Variants in FHOD3 observed in about 807,000 individuals in gnomAD.
FHOD3 encodes formin homology 2 domain containing 3.
In FHOD3, 90 loss-of-function variants were observed where a neutral mutation model predicts 173.0. That is an observed-to-expected ratio of 0.52 (90% CI 0.44 to 0.62). The LOEUF is 0.62. FHOD3 is among the 20% of genes least tolerant of loss of function. FHOD3 has a pLI of 0.00. For missense variants in FHOD3, 1,945 were observed against 2,034.7 expected (o/e 0.96, Z 0.85); for synonymous variants, 828 against 823.0 (o/e 1.01, Z -0.10).
intron 5 of FHOD3, among the ~76,000 whole-genome samples, chr18:36,574,110 C>T (rs1280983608): frequency 1.3e-5 from 2 of 152,070 alleles, no homozygotes; most frequent in African/African-American, 4.8e-5. Flanking sequence ...TTAATAATAC[C>T]TATAAAGTCC....
chr18:36,664,157 G>T (rs1201595648), intron 14 of FHOD3, among the ~76,000 whole-genome samples: 2 of 151,946 alleles, frequency 1.3e-5, no homozygotes, highest in Admixed American at 6.6e-5. Context: ...AAATTAAATT[G>T]GTTGATTAAA....
Position 36,612,064 on chromosome 18 carries a change from T to C in FHOD3, c.926T>C (p.Leu309Pro). 2 of 1,614,122 alleles carry C rather than the reference T, an allele frequency of 1.2e-6. No homozygotes were observed. The highest frequency in any genetic ancestry group is 1.7e-6 in the Non-Finnish European group (2 of 1,180,004). ...QRHLNKKGTD[L>P]DLVEQLNIYE... ...CACTTGAACAAGAAAGGGACTGACC[T>C]GGACTTAGTGGAGCAACTCAACATT... Residue 309 changes from leucine to proline, a missense_variant, in exon 9 of 29, where the codon CTG becomes CCG. By Grantham distance (98) the Leu-to-Pro change is moderately conservative (BLOSUM62 -3). This residue lies in a region of FHOD3 where 1,099 missense variants were observed against 1,051.2 expected (regional missense o/e 1.05). Coordinates refer to ENST00000590592, the MANE Select transcript of FHOD3 (RefSeq NM_001281740.3).
At chr18:36,639,595 A>G (rs1279065455) in intron 10 of FHOD3, among the ~76,000 whole-genome samples, 15 of 146,544 alleles carry the variant, frequency 1.0e-4, no homozygotes, top group South Asian at 4.5e-4. Context: ...CCCGGGAGGC[A>G]GAGCTTGCAG....
At chr18:36,384,464 G>A (rs2047931673) in intron 3 of FHOD3, among the ~76,000 whole-genome samples, 1 of 151,888 alleles carries the variant, frequency 6.6e-6, no homozygotes. Context: ...CCAGCTACTT[G>A]GGAGGCCAAA....
rs539788191 is a variant in FHOD3, at chr18:36,489,109, T to C, written c.338-12823T>C. On this transcript the variant is annotated intron_variant, in intron 3 of 28. Transcript: ENST00000590592. ...GTATGTGGTTGTGGTTTCCAGCCCTTGAGCTAGGGTGGTTTTTGTCTCCTA... is the reference window on the plus strand; with the variant it reads ...GTATGTGGTTGTGGTTTCCAGCCCTCGAGCTAGGGTGGTTTTTGTCTCCTA... Among the ~76,000 whole-genome samples the C allele has an allele frequency of 4.6e-5, 7 of 152,246 alleles. No homozygotes were observed. The East Asian group carries it at 7.7e-4, about 17-fold the overall frequency.
chr18:36,712,872 TAGAA>T (rs202223046), intron 18 of FHOD3, among the ~76,000 whole-genome samples: 2,001 of 149,248 alleles, frequency 0.013, 44 homozygotes, highest in African/African-American at 0.047. Flanking sequence ...TGTAAGAGGC[TAGAA>T]AGAAACATAT....
intron 2 of FHOD3, among the ~76,000 whole-genome samples, chr18:36,360,547 A>C (rs9950990): frequency 0.11 from 16,276 of 152,080 alleles, 2,160 homozygotes; most frequent in African/African-American, 0.31. Context: ...AAGGTTAAGA[A>C]GGGCCATGCA....
chr18:36,476,244 G>A (rs1471350152), intron 3 of FHOD3, among the ~76,000 whole-genome samples: 1 of 152,214 alleles, frequency 6.6e-6, no homozygotes, highest in Non-Finnish European at 1.5e-5. Flanking sequence ...GTTCCGCTGG[G>A]TGCTGCTGTA....
At chr18:36,724,376 G>A (rs182483065) in intron 19 of FHOD3, among the ~76,000 whole-genome samples, 22 of 152,308 alleles carry the variant, frequency 1.4e-4, no homozygotes, top group African/African-American at 4.1e-4. Flanking sequence ...TCTAGAAAGC[G>A]GACTCCCAAC....
chr18:36,627,916 T>C (rs2034231496), intron 10 of FHOD3, among the ~76,000 whole-genome samples: 1 of 152,216 alleles, frequency 6.6e-6, no homozygotes, highest in Non-Finnish European at 1.5e-5. Flanking sequence ...AGCTGCCTCA[T>C]GTACATATAT....
At position 36,297,757 on chromosome 18, in the gene FHOD3, C is replaced by T. The variant is rs1206328492; in HGVS notation, c.-79C>T. 3.1e-6 allele frequency: 4 copies of T among 1,276,988 alleles called. No homozygotes were observed. Among genetic ancestry groups the T allele is most frequent in the Non-Finnish European group, 4.1e-6 (4 of 978,546 alleles). 79.1% of individuals were successfully genotyped at this position (1,276,988 alleles called of 1,614,324 possible). ...CCAGCGAGCTGCGGCTGCGGCCTCC[C>T]CTGCGCGCAGCTACCCGGGCGTCCC... On this transcript the variant is annotated 5_prime_UTR_variant, in exon 1 of 29. Transcript: ENST00000590592.
At chr18:36,318,750 C>T (rs985625740) in intron 1 of FHOD3, among the ~76,000 whole-genome samples, 1 of 152,140 alleles carries the variant, frequency 6.6e-6, no homozygotes, top group Non-Finnish European at 1.5e-5. Context: ...CCAGAACTTC[C>T]AATACTATGT....
intron 1 of FHOD3, among the ~76,000 whole-genome samples, chr18:36,336,239 T>A (rs1033503261): frequency 6.6e-6 from 1 of 152,174 alleles, no homozygotes; most frequent in African/African-American, 2.4e-5. Context: ...TCCCTTCACC[T>A]TGAATGCTGA....
chr18:36,310,945 TG>T (rs34324668), intron 1 of FHOD3, among the ~76,000 whole-genome samples: 44 of 152,106 alleles, frequency 2.9e-4, no homozygotes, highest in African/African-American at 1.0e-3. Flanking sequence ...AGCTAATATA[TG>T]GGGTTGACTG....
Position 36,297,868 on chromosome 18 carries a change from G to T in FHOD3, c.33G>T (p.Leu11Phe). The T allele has an allele frequency of 6.5e-7, 1 of 1,544,760 alleles. No homozygotes were observed. Among genetic ancestry groups the T allele is most frequent in the Non-Finnish European group, 8.7e-7 (1 of 1,145,870 alleles). Residue 11 changes from leucine (L) to phenylalanine (F), a missense_variant, in exon 1 of 29, where the codon TTG (leucine) becomes TTT (phenylalanine). Leu to Phe is a conservative substitution (Grantham distance 22). Around this residue, in one of 5 missense-constraint regions of FHOD3, gnomAD observed 245 missense variants for 267.7 expected, o/e 0.92. Transcript: ENST00000590592. MATLACRVQF[L>F]DDTDPFNSTN... ...CGCTGGCTTGCCGGGTGCAGTTCTT[G>T]GACGACACGGACCCTTTCAACAGCA...
chr18:36,717,410 A>AG (rs2040518473), intron 18 of FHOD3, among the ~76,000 whole-genome samples: 1 of 152,158 alleles, frequency 6.6e-6, no homozygotes. Context: ...GATTTAGAGT[A>AG]GGGGAGAGAA....
chr18:36,759,234 C>T, intron 26 of FHOD3, 93 bp downstream of exon 26: 1 of 1,334,710 alleles, frequency 7.5e-7, no homozygotes, highest in African/African-American at 1.4e-5. Context: ...AGTGTCAGCA[C>T]CATTCAGTGC....
At chr18:36,736,082 C>G (rs1324846328) in intron 20 of FHOD3, among the ~76,000 whole-genome samples, 1 of 152,202 alleles carries the variant, frequency 6.6e-6, no homozygotes, top group Non-Finnish European at 1.5e-5. Context: ...ATGGGGGTGC[C>G]TCACTTACTC....
At chr18:36,759,008 A>T in intron 25 of FHOD3, 110 bp from the exon 26 acceptor site, 1 of 1,232,224 alleles carries the variant, frequency 8.1e-7, no homozygotes, top group Non-Finnish European at 1.1e-6. Flanking sequence ...TGACCAGTTT[A>T]TTTACTTGGA....
Sources: gnomAD v4.1 joint callset for allele counts (sites outside exome capture counted in the v4.1 genomes callset) on GRCh38, gnomAD v4.1.1 for gene constraint, gnomAD v4.1.1 regional missense constraint, MANE v1.5 for transcripts, NCBI Gene and HGNC (gene_info 2026-07-23, HGNC 2026-07-21) for gene names.